The following TBC1D30 variants were observed in gnomAD, a reference collection of about 807,000 sequenced individuals.
TBC1D30 encodes the protein TBC1 domain family, member 30.
Under a neutral mutation model 63.2 loss-of-function variants are expected in TBC1D30, and 31 were observed. That is an observed-to-expected ratio of 0.49 (90% confidence interval 0.37 to 0.66). The LOEUF (loss-of-function observed/expected upper bound fraction) is 0.66, where lower values mean the gene tolerates loss of function less well. TBC1D30 is among the 30% of genes least tolerant of loss of function. The pLI is 0.00. For missense variants in TBC1D30, 810 were observed against 953.6 expected, an observed-to-expected ratio of 0.85 and a Z score of 1.98; for synonymous variants, 307 against 361.5, an observed-to-expected ratio of 0.85 and a Z score of 1.71.
intron 1 of TBC1D30, among the ~76,000 whole-genome samples, chr12:64,775,509 C>T (rs1215109901): frequency 6.6e-6 from 1 of 151,894 alleles, no homozygotes; most frequent in East Asian, 1.9e-4. Flanking sequence ...AACTTTAAAC[C>T]AACAAAGATA....
chr12:64,849,488 A>G (rs974469300), intron 8 of TBC1D30, among the ~76,000 whole-genome samples: 1 of 152,208 alleles, frequency 6.6e-6, no homozygotes, highest in Non-Finnish European at 1.5e-5. Flanking sequence ...TGTTTTCTGC[A>G]TGTGACTAGC....
At chr12:64,825,283 A>C in intron 1 of TBC1D30, 1 of 438,812 alleles carries the variant, frequency 2.3e-6, no homozygotes. Flanking sequence ...CTCCCCGCGG[A>C]CCCCCACCCT....
At chr12:64,764,840 G>T (rs1324659784) in intron 1 of TBC1D30, among the ~76,000 whole-genome samples, 1 of 152,210 alleles carries the variant, frequency 6.6e-6, no homozygotes, top group Non-Finnish European at 1.5e-5. Flanking sequence ...TTCACAGGGT[G>T]AAACACCACC....
intron 11 of TBC1D30, among the ~76,000 whole-genome samples, chr12:64,874,062 G>C (rs776992592): frequency 6.6e-6 from 1 of 152,174 alleles, no homozygotes; most frequent in Non-Finnish European, 1.5e-5. Flanking sequence ...TAATGCCATC[G>C]ACAGTGCCTT....
chr12:64,794,507 G>A (rs1453803635), intron 2 of TBC1D30, among the ~76,000 whole-genome samples: 1 of 151,900 alleles, frequency 6.6e-6, no homozygotes, highest in Non-Finnish European at 1.5e-5. Flanking sequence ...GTGCAATCGT[G>A]GCTCACTGCA....
rs1874349688 is a variant in TBC1D30, at chr12:64,826,380, T to C, written c.154+1347T>C. On this transcript the variant is annotated intron_variant, in intron 1 of 11. Coordinates refer to ENST00000539867, the MANE Select transcript of TBC1D30 (RefSeq NM_015279.2). ...ATGCCCAGCAGGTGCCCCGGAAAAG[T>C]CAGAAGAGCATATTGGTCAGACATA... 2.0e-5 allele frequency among the ~76,000 whole-genome samples: 3 copies of C among 152,126 alleles called. No individual in the cohort carries two copies. In the South Asian group the frequency reaches 6.2e-4, roughly 31 times the overall value.
intron 1 of TBC1D30, among the ~76,000 whole-genome samples, chr12:64,764,552 T>C (rs148839831): frequency 2.9e-3 from 437 of 152,270 alleles, no homozygotes; most frequent in African/African-American, 0.01. Flanking sequence ...GTGACAATAG[T>C]GAAGGACTGT....
At position 64,878,424 on chromosome 12, in the gene TBC1D30, C is replaced by T. The variant is rs1279616214; in HGVS notation, c.*2636C>T. On this transcript the variant is annotated 3_prime_UTR_variant, in exon 12 of 12. Transcript: ENST00000539867. ...TGATTTTTAGATATGTCTGTAGCCT[C>T]TTAGCCCTTTTGCCGGGAATCAACT... 1 of 456,634 alleles carries T rather than the reference C, an allele frequency of 2.2e-6. No homozygotes were observed. The highest frequency in any genetic ancestry group is 2.0e-5 in the African/African-American group (1 of 50,090). 28.3% of individuals were successfully genotyped at this position (456,634 alleles called of 1,614,324 possible).
rs1879418884 is a variant in TBC1D30 at position 64,880,824 on chromosome 12, GTTTCTTAGTGTTTA to G, written c.*5037_*5050del. Reference sequence around the variant, plus strand: ...CATTAAAAAACCAGAAAGTTCACTTGTTTCTTAGTGTTTACATCCTTGCTATAACAATTCTAGTT... The same window carrying G: ...CATTAAAAAACCAGAAAGTTCACTTGCATCCTTGCTATAACAATTCTAGTT... On this transcript the variant is annotated 3_prime_UTR_variant, in exon 12 of 12. Coordinates refer to ENST00000539867, the MANE Select transcript of TBC1D30 (RefSeq NM_015279.2). 1 of 152,114 alleles carries G rather than the reference GTTTCTTAGTGTTTA, an allele frequency of 6.6e-6. No homozygotes were observed. Among genetic ancestry groups the G allele is most frequent in the Admixed American group, 6.5e-5 (1 of 15,280 alleles). 9.4% of individuals were successfully genotyped at this position (152,114 alleles called of 1,614,324 possible).
At chr12:64,810,341 G>A (rs1220729301) in intron 2 of TBC1D30, among the ~76,000 whole-genome samples, 2 of 151,926 alleles carry the variant, frequency 1.3e-5, no homozygotes, top group African/African-American at 2.4e-5. Flanking sequence ...CCCCATCATC[G>A]TCTGGTGACT....
chr12:64,796,256 A>G (rs1339035015), intron 2 of TBC1D30, among the ~76,000 whole-genome samples: 1 of 151,904 alleles, frequency 6.6e-6, no homozygotes, highest in Non-Finnish European at 1.5e-5. Context: ...GGGAGCTACT[A>G]GAAATTTTTA....
chr12:64,857,085 T>C (rs7976648), intron 8 of TBC1D30, among the ~76,000 whole-genome samples: 6,492 of 152,086 alleles, frequency 0.043, 454 homozygotes, highest in African/African-American at 0.15. Flanking sequence ...GTTGCTCTAC[T>C]CTACTGTGGC....
In TBC1D30 at chr12:64,794,759, C is replaced by T. The variant is rs140539317; in HGVS notation, c.643+8714C>T. ...TGGCTGTAACGTTTTCTCTCTTTCTCGCTTTCCAACTCCTTGTTCTTTTGA... is the reference window on the plus strand; with the variant it reads ...TGGCTGTAACGTTTTCTCTCTTTCTTGCTTTCCAACTCCTTGTTCTTTTGA... On this transcript the variant is annotated intron_variant, in intron 2 of 12. Coordinates refer to the TBC1D30 transcript ENST00000542120. 4.1e-4 allele frequency among the ~76,000 whole-genome samples: 62 copies of T among 152,252 alleles called. No individual in the cohort carries two copies. In the East Asian group the frequency reaches 9.3e-3, roughly 23 times the overall value.
intron 11 of TBC1D30, among the ~76,000 whole-genome samples, chr12:64,872,559 T>C (rs1565692681): frequency 1.3e-5 from 2 of 152,172 alleles, no homozygotes; most frequent in East Asian, 3.9e-4. Context: ...ATACAGATCA[T>C]TTGGGGATCT....
intron 9 of TBC1D30, among the ~76,000 whole-genome samples, chr12:64,866,021 C>A (rs116651911): frequency 2.8e-3 from 424 of 152,176 alleles, no homozygotes; most frequent in African/African-American, 9.8e-3. Context: ...AGGCACGTAC[C>A]ACCGTGCCTG....
At chr12:64,765,517 A>AAAG in intron 1 of TBC1D30, among the ~76,000 whole-genome samples, 1 of 148,662 alleles carries the variant, frequency 6.7e-6, no homozygotes, top group African/African-American at 2.5e-5. Flanking sequence ...AAAAAAAAAA[A>AAAG]AAATTACTAT....
At chr12:64,823,600 T>C (rs1874026876), upstream of TBC1D30, among the ~76,000 whole-genome samples, 1 of 152,224 alleles carries the variant, frequency 6.6e-6, no homozygotes, top group African/African-American at 2.4e-5. Flanking sequence ...GTGCTAGGAA[T>C]ACAGGTGTGA....
At chr12:64,827,302 A>G (rs1211893647) in intron 1 of TBC1D30, among the ~76,000 whole-genome samples, 1 of 152,186 alleles carries the variant, frequency 6.6e-6, no homozygotes, top group Non-Finnish European at 1.5e-5. Flanking sequence ...TACAAAAATT[A>G]GCTGTGCGTG....
intron 2 of TBC1D30, among the ~76,000 whole-genome samples, chr12:64,795,835 C>T (rs1167645909): frequency 1.4e-5 from 2 of 146,574 alleles, no homozygotes; most frequent in Admixed American, 1.4e-4. Flanking sequence ...TTCCGTCTTA[C>T]CCAGATGTGC....
Sources: gnomAD v4.1 joint callset for allele counts (sites outside exome capture counted in the v4.1 genomes callset) on GRCh38, gnomAD v4.1.1 for gene constraint, MANE v1.5 for transcripts, NCBI Gene and HGNC (gene_info 2026-07-23, HGNC 2026-07-21) for gene names.